RRP1B: variants seen among roughly 807,000 people sequenced by gnomAD.
The protein encoded by RRP1B is ribosomal RNA processing 1B.
Under a neutral mutation model 80.2 loss-of-function variants are expected in RRP1B, and 56 were observed. That is an observed-to-expected ratio of 0.70 (90% CI 0.56 to 0.87). The LOEUF (loss-of-function observed/expected upper bound fraction) is 0.87. Among genes scored for constraint, RRP1B ranks in the 40% least tolerant of loss-of-function variants. The pLI is 0.00. For synonymous variants in RRP1B, 351 were observed against 357.6 expected (o/e 0.98, Z 0.21); for missense variants, 807 against 939.8 (o/e 0.86, Z 1.85).
At chr21:43,668,471 C>T (rs1321266533) in intron 1 of RRP1B, among the ~76,000 whole-genome samples, 1 of 151,442 alleles carries the variant, frequency 6.6e-6, no homozygotes, top group Non-Finnish European at 1.5e-5. Context: ...GGGTTCACAC[C>T]ATTCTACTGC....
At chr21:43,688,792 A>AC (rs2083074797) in intron 13 of RRP1B, among the ~76,000 whole-genome samples, 5 of 152,198 alleles carry the variant, frequency 3.3e-5, no homozygotes, top group Non-Finnish European at 4.4e-5. Flanking sequence ...TAAATGAGGA[A>AC]CCAAGCTGTT....
Position 43,690,430 on chromosome 21 carries a change from CT to C in RRP1B, c.2010del (p.Ala671ProfsTer4). 6.2e-7 allele frequency: 1 copy of C among 1,614,080 alleles called. No individual in the cohort carries two copies. Among genetic ancestry groups the C allele is most frequent in the Non-Finnish European group, 8.5e-7 (1 of 1,179,984 alleles). ...AGCACTGCCACCCACCCTCCAGGCC[CT>C]GCCGTCCAGGTACGCACCCTCCCCA... ...KSSTATHPPG[P>X]AVQLNKTPSS... On this transcript the variant is annotated frameshift_variant, in exon 14 of 16. Coordinates refer to ENST00000340648, the MANE Select transcript of RRP1B (RefSeq NM_015056.3). LOFTEE classifies it high-confidence loss of function.
At position 43,691,534 on chromosome 21, in the gene RRP1B, C is replaced by A; in HGVS notation, c.2083+32C>A. ...GGGGTTTTGCCAGCGGCAAGCTTCT[C>A]TGGAGCACAGCTGCAGCTCCTGGCG... On this transcript the variant is annotated intron_variant, in intron 15 of 15. Transcript: ENST00000340648. This position sits in a 1 kb window ranked among gnomAD's most constrained non-coding sequence, Gnocchi z 4.2. 1 of 1,608,098 alleles carries A rather than the reference C, an allele frequency of 6.2e-7. No individual in the cohort carries two copies. Among genetic ancestry groups the A allele is most frequent in the South Asian group, 1.1e-5 (1 of 90,810 alleles).
At chr21:43,677,546 C>A (rs2083027539) in intron 8 of RRP1B, among the ~76,000 whole-genome samples, 1 of 152,002 alleles carries the variant, frequency 6.6e-6, no homozygotes, top group African/African-American at 2.4e-5. Flanking sequence ...TGTTGTATAC[C>A]CATTTAAAAG....
At chr21:43,689,127 C>T (rs1177469593) in intron 13 of RRP1B, among the ~76,000 whole-genome samples, 2 of 152,310 alleles carry the variant, frequency 1.3e-5, no homozygotes, top group African/African-American at 4.8e-5. Context: ...AGGCCAGGGC[C>T]GGCAAACGTA....
At chr21:43,670,391 C>T (rs2082994925) in intron 2 of RRP1B, among the ~76,000 whole-genome samples, 1 of 152,238 alleles carries the variant, frequency 6.6e-6, no homozygotes, top group Admixed American at 6.5e-5. Context: ...TAGCGCTCAG[C>T]GAAAGCCTCC....
chr21:43,687,991 G>A lies in RRP1B; in HGVS notation c.1617G>A (p.Thr539=), dbSNP rs148989318. The stretch of plus-strand genomic sequence containing the variant: ...CCGTCAATGGCAGTGGCCTGTCCAC[G>A]CCGGCCTGGCCTCCATTGCAGCAGG... The part of the protein sequence containing the change: ...VVPVNGSGLS[T]PAWPPLQQEG... The change falls in exon 13 of 16, where the codon ACG becomes ACA. Residue 539 remains threonine, a synonymous_variant. Transcript: ENST00000340648. 330 of 1,612,784 alleles carry A rather than the reference G, an allele frequency of 2.0e-4. 1 individual carries two copies. Among genetic ancestry groups the A allele is most frequent in the East Asian group, 2.0e-3 (88 of 44,876 alleles).
chr21:43,685,245 AT>A, intron 10 of RRP1B, among the ~76,000 whole-genome samples: 1 of 152,094 alleles, frequency 6.6e-6, no homozygotes, highest in Admixed American at 6.6e-5. Context: ...AGTTTTGCCC[AT>A]TTCCCAGCTG....
At chr21:43,674,740 T>C (rs762090300) in intron 5 of RRP1B, 43 bp downstream of exon 5, 4 of 1,517,124 alleles carry the variant, frequency 2.6e-6, no homozygotes, top group Admixed American at 2.0e-5. Context: ...CCTTAAAACT[T>C]AAAAGGTAGT....
At chr21:43,670,008 T>C (rs1171603330) in intron 2 of RRP1B, 42 bp downstream of exon 2, 3 of 1,432,900 alleles carry the variant, frequency 2.1e-6, no homozygotes, top group South Asian at 2.4e-5. Context: ...GTTCTTGCTG[T>C]GGATGGATAA....
At chr21:43,688,331 G>C (rs953254964) in intron 13 of RRP1B, 91 bp downstream of exon 13, 1 of 1,430,908 alleles carries the variant, frequency 7.0e-7, no homozygotes, top group African/African-American at 1.4e-5. Flanking sequence ...AAGGGTGGGG[G>C]CTGGCGGCCA....
At chr21:43,690,133 T>C (rs1042173714) in intron 13 of RRP1B, among the ~76,000 whole-genome samples, 155 bp from the exon 14 acceptor site, 1 of 152,212 alleles carries the variant, frequency 6.6e-6, no homozygotes, top group African/African-American at 2.4e-5. Context: ...CTCTGCCGAA[T>C]GGAAGGGCTG....
chr21:43,677,550 T>TA (rs551556744), intron 8 of RRP1B, among the ~76,000 whole-genome samples: 149 of 152,306 alleles, frequency 9.8e-4, no homozygotes, highest in African/African-American at 3.6e-3. Context: ...GTATACCCAT[T>TA]TAAAAGCAAA....
chr21:43,659,578 G>C lies in RRP1B; in HGVS notation c.-87G>C. 2 of 1,253,180 alleles carry C rather than the reference G, an allele frequency of 1.6e-6. No homozygotes were observed. The highest frequency in any genetic ancestry group is 2.0e-6 in the Non-Finnish European group (2 of 998,968). 77.6% of individuals were successfully genotyped at this position (1,253,180 alleles called of 1,614,324 possible). On this transcript the variant is annotated 5_prime_UTR_variant, in exon 1 of 16. Transcript: ENST00000340648. The surrounding 1 kb of genome is among the most constrained non-coding windows in gnomAD (Gnocchi z 4.2). ...CCGCCTTCTGTGCAGTCGCGGCCCG[G>C]GCGGACGGTGGCTGGCTGCTCCGCA...
At position 43,659,914 on chromosome 21, in the gene RRP1B, G is replaced by A; in HGVS notation, c.130+120G>A. ...CGTGTTGTCGTGACACCCAGCGTGT[G>A]CTTCGGTTTCCGCGCTGCCGGAACC... On this transcript the variant is annotated intron_variant, in intron 1 of 15. Coordinates refer to ENST00000340648, the MANE Select transcript of RRP1B (RefSeq NM_015056.3). This position sits in a 1 kb window ranked among gnomAD's most constrained non-coding sequence, Gnocchi z 4.2. 1 of 1,173,040 alleles carries A rather than the reference G, an allele frequency of 8.5e-7. No individual in the cohort carries two copies. The highest frequency in any genetic ancestry group is 1.1e-6 in the Non-Finnish European group (1 of 897,200). The allele number at this position is 1,173,040 out of a possible 1,614,324, so 72.7% of individuals were successfully genotyped here.
rs61737068 is a variant in RRP1B at position 43,690,313 on chromosome 21, T to C, written c.1892T>C (p.Leu631Pro). The change falls in exon 14 of 16, where the codon CTG becomes CCG. Residue 631 changes from leucine (L) to proline (P), a missense_variant. Coordinates refer to ENST00000340648, the MANE Select transcript of RRP1B (RefSeq NM_015056.3). ...GGAAGCAGTGGGACTTGCAGTTCCC[T>C]GAAGAAGCAGAAGCTGAGGGCAGAG... Reference protein sequence around the residue: ...ALGSSGTCSSLKKQKLRAESD... With the variant: ...ALGSSGTCSSPKKQKLRAESD... The C allele has an allele frequency of 1.7e-3, 2,729 of 1,614,226 alleles. 35 individuals are homozygous for C. The African/African-American group carries it at 0.029, about 17-fold the overall frequency.
intron 1 of RRP1B, among the ~76,000 whole-genome samples, chr21:43,666,699 CAG>C (rs2082979451): frequency 7.3e-6 from 1 of 136,118 alleles, no homozygotes; most frequent in Admixed American, 7.8e-5. Flanking sequence ...GCCTGGGCGA[CAG>C]AGTGAAACTG....
At position 43,659,589 on chromosome 21, in the gene RRP1B, G is replaced by C. The variant is rs1366938464; in HGVS notation, c.-76G>C. The C allele has an allele frequency of 4.7e-6, 6 of 1,285,164 alleles. No individual in the cohort carries two copies. Among genetic ancestry groups the C allele is most frequent in the Non-Finnish European group, 5.9e-6 (6 of 1,017,606 alleles). The allele number at this position is 1,285,164 out of a possible 1,614,324, so 79.6% of individuals were successfully genotyped here. A position where few individuals can be genotyped will look rare whatever the true frequency, so the allele number is the denominator to read the frequency against. On this transcript the variant is annotated 5_prime_UTR_variant, in exon 1 of 16. Transcript: ENST00000340648. The surrounding 1 kb of genome is among the most constrained non-coding windows in gnomAD (Gnocchi z 4.2). ...GCAGTCGCGGCCCGGGCGGACGGTG[G>C]CTGGCTGCTCCGCAGCGCTCGGCTG...
At chr21:43,685,747 A>G (rs1461109779) in intron 10 of RRP1B, 23 bp from the exon 11 acceptor site, 3 of 1,454,254 alleles carry the variant, frequency 2.1e-6, no homozygotes, top group Non-Finnish European at 2.8e-6. Flanking sequence ...TTTATTTTTT[A>G]TTTTTTATTT....
Sources: gnomAD v4.1 joint callset for allele counts (sites outside exome capture counted in the v4.1 genomes callset) on GRCh38, gnomAD v4.1.1 for gene constraint, Gnocchi (gnomAD v3.1) non-coding constraint, MANE v1.5 for transcripts, NCBI Gene and HGNC (gene_info 2026-07-23, HGNC 2026-07-21) for gene names.